Variants in RBMS3 observed in about 807,000 individuals in gnomAD.
RBMS3 encodes RNA binding motif single stranded interacting protein 3.
Under a neutral mutation model 66.8 loss-of-function variants are expected in RBMS3, and 27 were observed. The observed-to-expected ratio is 0.40, with a 90% CI of 0.30 to 0.56. The LOEUF (loss-of-function observed/expected upper bound fraction) is 0.56. RBMS3 is among the 20% of genes least tolerant of loss of function. The probability of loss-of-function intolerance (pLI) is 0.40; values close to 1 mark genes in which losing one functional copy is unlikely to be tolerated. For missense variants in RBMS3, 513 were observed against 549.5 expected, an observed-to-expected ratio of 0.93 and a Z score of 0.66; for synonymous variants, 188 against 183.0, an observed-to-expected ratio of 1.03 and a Z score of -0.22.
At chr3:29,524,474 CTGGAG>C (rs1164150502) in intron 3 of RBMS3, among the ~76,000 whole-genome samples, 6 of 121,194 alleles carry the variant, frequency 5.0e-5, no homozygotes, top group Non-Finnish European at 9.5e-5. Flanking sequence ...GTCTCCCAGG[CTGGAG>C]CGCAGTGGTG....
Position 29,868,769 on chromosome 3 carries a change from A to T in RBMS3, c.638-89A>T, listed in dbSNP as rs2059419647. 4 of 1,093,112 alleles carry T rather than the reference A, an allele frequency of 3.7e-6. No individual in the cohort carries two copies. In the South Asian group the frequency reaches 5.7e-5, roughly 16 times the overall value. 67.7% of individuals were successfully genotyped at this position (1,093,112 alleles called of 1,614,324 possible). Reference sequence around the variant, plus strand: ...GAAGCAAGATGTTACTTCAAAAGATACTCATTACAAAGCACTACTGTGACT... The same window carrying T: ...GAAGCAAGATGTTACTTCAAAAGATTCTCATTACAAAGCACTACTGTGACT... On this transcript the variant is annotated intron_variant, in intron 6 of 14. Coordinates refer to ENST00000383767, the MANE Select transcript of RBMS3 (RefSeq NM_001003793.3).
chr3:29,482,701 C>CTTTCTTTCTTTTTTTTTTT (rs759435190), intron 2 of RBMS3, among the ~76,000 whole-genome samples: 1 of 77,512 alleles, frequency 1.3e-5, no homozygotes, highest in Non-Finnish European at 2.3e-5. Context: ...TTCTTTCTTT[C>CTTTCTTTCTTTTTTTTTTT]TTTTTTTTTT....
chr3:29,936,268 A>G (rs2061263453), intron 11 of RBMS3, 72 bp downstream of exon 11: 4 of 1,348,354 alleles, frequency 3.0e-6, no homozygotes, highest in Non-Finnish European at 4.2e-6. Context: ...TTTTACTGGC[A>G]TTATCAGTGA....
chr3:29,282,333 A>G (rs890393070), intron 1 of RBMS3, among the ~76,000 whole-genome samples: 1 of 152,170 alleles, frequency 6.6e-6, no homozygotes, highest in East Asian at 1.9e-4. Flanking sequence ...GATGATCAGC[A>G]TGCTACAGAC....
At chr3:29,460,755 C>A (rs1371528700) in intron 2 of RBMS3, among the ~76,000 whole-genome samples, 1 of 152,180 alleles carries the variant, frequency 6.6e-6, no homozygotes, top group African/African-American at 2.4e-5. Flanking sequence ...TGCTTCGCAG[C>A]CCTCTTTGGA....
chr3:29,779,017 G>A (rs1559661916), intron 6 of RBMS3, among the ~76,000 whole-genome samples: 1 of 151,624 alleles, frequency 6.6e-6, no homozygotes, highest in Non-Finnish European at 1.5e-5. Flanking sequence ...TCCTGTATTG[G>A]GTTAAATACA....
At chr3:29,989,372 T>G (rs1559867686) in intron 13 of RBMS3, among the ~76,000 whole-genome samples, 4 of 152,196 alleles carry the variant, frequency 2.6e-5, no homozygotes, top group Non-Finnish European at 4.4e-5. Context: ...ATTACTGTTT[T>G]ATTGCCCTTC....
chr3:30,003,114 G>T (rs1331111441), intron 14 of RBMS3, among the ~76,000 whole-genome samples: 1 of 152,016 alleles, frequency 6.6e-6, no homozygotes, highest in African/African-American at 2.4e-5. Flanking sequence ...CCACTCTGAA[G>T]TTATTTTACA....
intron 4 of RBMS3, among the ~76,000 whole-genome samples, chr3:29,645,788 A>C (rs2049899127): frequency 6.6e-6 from 1 of 152,230 alleles, no homozygotes; most frequent in South Asian, 2.1e-4. Flanking sequence ...GATGTCATAC[A>C]TCCCATATTG....
chr3:29,604,125 G>A (rs936861857), intron 4 of RBMS3, among the ~76,000 whole-genome samples: 4 of 151,840 alleles, frequency 2.6e-5, no homozygotes, highest in Non-Finnish European at 5.9e-5. Flanking sequence ...GTTGAGAAAC[G>A]CTATTTTGGA....
At chr3:29,652,782 CA>C (rs2050191323) in intron 4 of RBMS3, among the ~76,000 whole-genome samples, 2 of 152,156 alleles carry the variant, frequency 1.3e-5, no homozygotes, top group Non-Finnish European at 2.9e-5. Flanking sequence ...TACCAAGCCA[CA>C]TGCTCTTTTG....
intron 3 of RBMS3, among the ~76,000 whole-genome samples, chr3:29,490,909 C>T (rs938589453): frequency 2.6e-5 from 4 of 152,070 alleles, no homozygotes; most frequent in Admixed American, 1.3e-4. Flanking sequence ...AAGCACCAAT[C>T]AGAAGCACAA....
In RBMS3 at chr3:29,478,883, T is replaced by C. The variant is rs544395214; in HGVS notation, c.249-9558T>C. ...AGAAGGAAGTTCTAACAAGCAGTGG[T>C]AAATATGCAGCTATGTTATTTCCAA... On this transcript the variant is annotated intron_variant, in intron 2 of 14. Transcript: ENST00000383767. Among the ~76,000 whole-genome samples, 9 of 152,354 alleles carry C rather than the reference T, an allele frequency of 5.9e-5. No homozygotes were observed. The South Asian group carries it at 1.7e-3, about 28-fold the overall frequency.
At chr3:29,850,626 G>C (rs959333675) in intron 6 of RBMS3, among the ~76,000 whole-genome samples, 3 of 152,152 alleles carry the variant, frequency 2.0e-5, no homozygotes, top group African/African-American at 7.2e-5. Context: ...TTAGAATGAA[G>C]GATCTTAGAT....
At chr3:29,597,832 T>A (rs1178276429) in intron 4 of RBMS3, among the ~76,000 whole-genome samples, 1 of 152,116 alleles carries the variant, frequency 6.6e-6, no homozygotes, top group African/African-American at 2.4e-5. Flanking sequence ...TAAGAGCTCA[T>A]TTTTTCATAC....
At chr3:29,742,431 C>T (rs2149353206) in intron 5 of RBMS3, among the ~76,000 whole-genome samples, 1 of 152,296 alleles carries the variant, frequency 6.6e-6, no homozygotes, top group East Asian at 1.9e-4. Flanking sequence ...GCTCGCCTTC[C>T]TGGCTTTGAC....
At chr3:29,628,471 T>G (rs2149170807) in intron 4 of RBMS3, among the ~76,000 whole-genome samples, 1 of 152,284 alleles carries the variant, frequency 6.6e-6, no homozygotes, top group South Asian at 2.1e-4. Flanking sequence ...GGGCTGGTAC[T>G]TGCCGTATCC....
intron 12 of RBMS3, among the ~76,000 whole-genome samples, chr3:29,950,049 A>G (rs572187820): frequency 2.0e-5 from 3 of 151,782 alleles, no homozygotes; most frequent in South Asian, 2.1e-4. Flanking sequence ...TAGCTATTCT[A>G]TTTCCCCCTG....
At chr3:29,469,379 A>T (rs191481132) in intron 2 of RBMS3, among the ~76,000 whole-genome samples, 50 of 152,180 alleles carry the variant, frequency 3.3e-4, no homozygotes, top group Non-Finnish European at 5.6e-4. Context: ...CATTTTTACC[A>T]GTAGATAGAT....
Sources: allele counts gnomAD v4.1 joint callset (sites outside exome capture counted in the v4.1 genomes callset), GRCh38; gene constraint gnomAD v4.1.1; transcripts MANE v1.5; gene names NCBI Gene and HGNC (gene_info 2026-07-23, HGNC 2026-07-21).